The following MR1 variants were observed in gnomAD, a reference collection of about 807,000 sequenced individuals.
The protein encoded by MR1 is major histocompatibility complex class I-related protein 1.
A neutral mutation model predicts 37.8 loss-of-function variants in MR1; 44 were observed. That is an observed-to-expected ratio of 1.16 (90% CI 0.91 to 1.50). The LOEUF (loss-of-function observed/expected upper bound fraction) is 1.50. MR1 is among the 40% of genes most tolerant of loss of function. The probability of loss-of-function intolerance (pLI) is 0.00; values close to 1 mark genes in which losing one functional copy is unlikely to be tolerated. For synonymous variants in MR1, 153 were observed against 155.8 expected (o/e 0.98, Z 0.13); for missense variants, 386 against 419.1 (o/e 0.92, Z 0.69).
chr1:181,038,816 T>A (rs1228110025), intron 1 of MR1, among the ~76,000 whole-genome samples: 1 of 151,942 alleles, frequency 6.6e-6, no homozygotes, highest in African/African-American at 2.4e-5. Flanking sequence ...CTTTTCTTTT[T>A]TTTTGAGATG....
At position 181,053,606 on chromosome 1, in the gene MR1, T is replaced by C. The variant is rs1315685812; in HGVS notation, c.914T>C (p.Val305Ala). The change falls in exon 5 of 6, where the codon GTC becomes GCC. Residue 305 changes from valine to alanine, a missense_variant. Physicochemically the swap from Val to Ala is moderately conservative, Grantham distance 64. Coordinates refer to ENST00000367580, the MANE Select transcript of MR1 (RefSeq NM_001385161.1). ...ACTATCCCTCTTGTGATGAAAGCTGTCTCTGGGTCCATTGTCCTTGTCATT... is the reference window on the plus strand; with the variant it reads ...ACTATCCCTCTTGTGATGAAAGCTGCCTCTGGGTCCATTGTCCTTGTCATT... ...SETIPLVMKA[V>A]SGSIVLVIVL... The C allele has an allele frequency of 6.2e-7, 1 of 1,613,972 alleles. No homozygotes were observed. The highest frequency in any genetic ancestry group is 1.1e-5 in the South Asian group (1 of 91,072).
chr1:181,053,381 CAAA>C (rs35459172), intron 4 of MR1, among the ~76,000 whole-genome samples, 189 bp from the exon 5 acceptor site: 25 of 128,182 alleles, frequency 2.0e-4, no homozygotes, highest in East Asian at 1.9e-3. Flanking sequence ...GACGCTGTCT[CAAA>C]AAAAAAAAAA....
At chr1:181,044,131 T>G (rs772154228) in intron 1 of MR1, among the ~76,000 whole-genome samples, 2 of 151,290 alleles carry the variant, frequency 1.3e-5, no homozygotes, top group Non-Finnish European at 3.0e-5. Flanking sequence ...GCCTGGCTAA[T>G]TTTTTGTATT....
chr1:181,049,533 T>C, intron 2 of MR1: 1 of 596,690 alleles, frequency 1.7e-6, no homozygotes, highest in Non-Finnish European at 3.0e-6. Flanking sequence ...CCACCCACTC[T>C]TCCCCATCTC....
intron 1 of MR1, among the ~76,000 whole-genome samples, chr1:181,044,511 C>T (rs866936313): frequency 6.6e-6 from 1 of 152,110 alleles, no homozygotes; most frequent in Non-Finnish European, 1.5e-5. Flanking sequence ...TTCAGAGAGC[C>T]CCACTCTGGC....
In MR1 at chr1:181,054,722, G is replaced by C. The variant is rs548050934; in HGVS notation, c.986-503G>C. Among the ~76,000 whole-genome samples, 4 of 151,778 alleles carry C rather than the reference G, an allele frequency of 2.6e-5. 1 individual carries two copies. The South Asian group carries it at 8.3e-4, about 32-fold the overall frequency. On this transcript the variant is annotated intron_variant, in intron 5 of 5. Coordinates refer to ENST00000367580, the MANE Select transcript of MR1 (RefSeq NM_001385161.1). Reference sequence around the variant, plus strand: ...TTAAAAAAAAAAAAATTAGCTGGGCGTGGTGGCACATGCCTGTAATCTCAG... The same window carrying C: ...TTAAAAAAAAAAAAATTAGCTGGGCCTGGTGGCACATGCCTGTAATCTCAG...
chr1:181,047,491 C>T (rs948230261), intron 1 of MR1, among the ~76,000 whole-genome samples: 1 of 152,172 alleles, frequency 6.6e-6, no homozygotes, highest in Non-Finnish European at 1.5e-5. Flanking sequence ...CTCAGCTACT[C>T]AGTAGGCTGA....
At chr1:181,044,351 G>A (rs759849656) in intron 1 of MR1, among the ~76,000 whole-genome samples, 1 of 152,194 alleles carries the variant, frequency 6.6e-6, no homozygotes, top group Non-Finnish European at 1.5e-5. Context: ...ATTCTCTATA[G>A]TGGCAAGGGC....
In MR1 at chr1:181,055,180, GA is replaced by G. The variant is rs1428150309; in HGVS notation, c.986-44del. On this transcript the variant is annotated intron_variant, in intron 5 of 5. Coordinates refer to ENST00000367580, the MANE Select transcript of MR1 (RefSeq NM_001385161.1). ...ACTGCATACTTTATTTTTGAGCTGT[GA>G]GGAAACATTCTTGTAATCTGACTAA... 4 of 1,590,152 alleles carry G rather than the reference GA, an allele frequency of 2.5e-6. No individual in the cohort carries two copies. In the African/African-American group the frequency reaches 5.4e-5, roughly 21 times the overall value.
chr1:181,034,532 T>C (rs1051462829), intron 1 of MR1, among the ~76,000 whole-genome samples: 1 of 152,106 alleles, frequency 6.6e-6, no homozygotes, highest in African/African-American at 2.4e-5. Flanking sequence ...GATAAAACCA[T>C]GGCTCTGGGT....
rs1174598870 is a variant in MR1, at chr1:181,058,536, T to C, written c.*3271T>C. 1 of 152,238 alleles carries C rather than the reference T, an allele frequency of 6.6e-6. No homozygotes were observed. The highest frequency in any genetic ancestry group is 2.4e-5 in the African/African-American group (1 of 41,462). 9.4% of individuals were successfully genotyped at this position (152,238 alleles called of 1,614,324 possible). A position where few individuals can be genotyped will look rare whatever the true frequency, so the allele number is the denominator to read the frequency against. On this transcript the variant is annotated 3_prime_UTR_variant, in exon 6 of 6. Coordinates refer to ENST00000367580, the MANE Select transcript of MR1 (RefSeq NM_001385161.1). ...ATCAGGGGCCAGTCCTCCTTTCCTCTCTCCTCTTACTCCCATGATTTCCAA... is the reference window on the plus strand; with the variant it reads ...ATCAGGGGCCAGTCCTCCTTTCCTCCCTCCTCTTACTCCCATGATTTCCAA...
At chr1:181,048,502 T>A (rs1035058833) in intron 1 of MR1, among the ~76,000 whole-genome samples, 3 of 151,258 alleles carry the variant, frequency 2.0e-5, no homozygotes, top group Non-Finnish European at 4.4e-5. Context: ...GCCATTGCAC[T>A]CCAGCCTGGG....
Position 181,049,205 on chromosome 1 carries a change from A to G in MR1, c.221A>G (p.Glu74Gly), listed in dbSNP as rs376289951. The G allele has an allele frequency of 7.2e-4, 1,156 of 1,614,216 alleles. 11 individuals are homozygous for G. The South Asian group carries it at 0.012, about 17-fold the overall frequency. Residue 74 changes from glutamate to glycine, a missense_variant, in exon 2 of 6, where the codon GAG becomes GGG. Glu to Gly is a moderately conservative substitution (Grantham distance 98). Coordinates refer to ENST00000367580, the MANE Select transcript of MR1 (RefSeq NM_001385161.1). The part of the protein sequence containing the change: ...QKEPRAPWMA[E>G]NLAPDHWERY... ...GAGCCACGGGCCCCATGGATGGCAGAGAACCTCGCGCCTGATCACTGGGAG... is the reference window on the plus strand; with the variant it reads ...GAGCCACGGGCCCCATGGATGGCAGGGAACCTCGCGCCTGATCACTGGGAG...
rs949078391 is a variant in MR1, at chr1:181,059,846, G to A, written c.*4581G>A. ...TATAGAACCCAACACTCAATAGGAA[G>A]ATTGTCAGAGTTACATTGTAAGAAG... On this transcript the variant is annotated 3_prime_UTR_variant, in exon 6 of 6. Transcript: ENST00000367580. 1 of 152,190 alleles carries A rather than the reference G, an allele frequency of 6.6e-6. No homozygotes were observed. The highest frequency in any genetic ancestry group is 2.4e-5 in the African/African-American group (1 of 41,450). 9.4% of individuals were successfully genotyped at this position (152,190 alleles called of 1,614,324 possible). A position where few individuals can be genotyped will look rare whatever the true frequency, so the allele number is the denominator to read the frequency against.
chr1:181,053,714 A>G lies in MR1; in HGVS notation c.985+37A>G, dbSNP rs115981006. ...ATGGAAGGGATCCAGGGGGCTGCAG[A>G]CTCTCCTGCATCTCTCCAGTTTTAT... On this transcript the variant is annotated intron_variant, in intron 5 of 5. Transcript: ENST00000367580. The G allele has an allele frequency of 1.1e-3, 1,486 of 1,385,474 alleles. 16 individuals carry two copies. The African/African-American group carries it at 0.019, about 18-fold the overall frequency. 85.8% of individuals were successfully genotyped at this position (1,385,474 alleles called of 1,614,324 possible).
Position 181,058,056 on chromosome 1 carries a change from A to T in MR1, c.*2791A>T, listed in dbSNP as rs1302975713. ...AGTAAGTAATACCTAAAATTCTGCA[A>T]CCTTCATTTTACTATAGATGGTTGA... On this transcript the variant is annotated 3_prime_UTR_variant, in exon 6 of 6. Transcript: ENST00000367580. 1 of 152,236 alleles carries T rather than the reference A, an allele frequency of 6.6e-6. No homozygotes were observed. Among genetic ancestry groups the T allele is most frequent in the African/African-American group, 2.4e-5 (1 of 41,460 alleles). The allele number at this position is 152,236 out of a possible 1,614,324, so 9.4% of individuals were successfully genotyped here.
rs575711210 is a variant in MR1, at chr1:181,045,466, G to C, written c.68-3586G>C. Reference sequence around the variant, plus strand: ...CCCAGGCCATTTGGTTCCCATGCACGCCCCGCCTTCTCGAACCTCCTGCTT... The same window carrying C: ...CCCAGGCCATTTGGTTCCCATGCACCCCCCGCCTTCTCGAACCTCCTGCTT... On this transcript the variant is annotated intron_variant, in intron 1 of 5. Transcript: ENST00000367580. Among the ~76,000 whole-genome samples the C allele has an allele frequency of 1.7e-3, 253 of 152,000 alleles. 2 individuals carry two copies. Among genetic ancestry groups the C allele is most frequent in the Admixed American group, 4.1e-3 (63 of 15,256 alleles).
intron 2 of MR1, 112 bp from the exon 3 acceptor site, chr1:181,049,899 G>A: frequency 7.9e-7 from 1 of 1,261,116 alleles, no homozygotes; most frequent in Non-Finnish European, 1.1e-6. Context: ...CAGGCCTGGG[G>A]GGTGACATAA....
rs1272984361 is a variant in MR1 at position 181,058,527 on chromosome 1, C to A, written c.*3262C>A. On this transcript the variant is annotated 3_prime_UTR_variant, in exon 6 of 6. Coordinates refer to ENST00000367580, the MANE Select transcript of MR1 (RefSeq NM_001385161.1). ...AGCTCTCCCATCAGGGGCCAGTCCT[C>A]CTTTCCTCTCTCCTCTTACTCCCAT... 6.6e-6 allele frequency: 1 copy of A among 152,200 alleles called. No homozygotes were observed. The highest frequency in any genetic ancestry group is 1.5e-5 in the Non-Finnish European group (1 of 68,046). The allele number at this position is 152,200 out of a possible 1,614,324, so 9.4% of individuals were successfully genotyped here.
Sources: gnomAD v4.1 joint callset for allele counts (sites outside exome capture counted in the v4.1 genomes callset) on GRCh38, gnomAD v4.1.1 for gene constraint, MANE v1.5 for transcripts, NCBI Gene and HGNC (gene_info 2026-07-23, HGNC 2026-07-21) for gene names.